Variants in SENP6 observed in about 807,000 individuals in gnomAD.
The protein encoded by SENP6 is sentrin-specific protease 6.
A neutral mutation model predicts 134.5 loss-of-function variants in SENP6; 41 were observed. That is an observed-to-expected ratio of 0.30 (90% CI 0.24 to 0.40). SENP6 has a LOEUF of 0.40. Among genes scored for constraint, SENP6 ranks in the 10% least tolerant of loss-of-function variants. SENP6 has a pLI of 1.00. For missense variants in SENP6, 1,248 were observed against 1,312.5 expected, an observed-to-expected ratio of 0.95 and a Z score of 0.76; for synonymous variants, 395 against 429.8, an observed-to-expected ratio of 0.92 and a Z score of 1.00.
At chr6:75,633,453 C>G (rs1769266014) in intron 3 of SENP6, 128 bp from the exon 4 acceptor site, 1 of 727,830 alleles carries the variant, frequency 1.4e-6, no homozygotes, top group Non-Finnish European at 2.1e-6. Context: ...TAAATCCATG[C>G]CAATGCTATC....
chr6:75,642,125 A>T (rs1180297955), intron 6 of SENP6, among the ~76,000 whole-genome samples: 1 of 152,266 alleles, frequency 6.6e-6, no homozygotes. Context: ...TTTTGATTAC[A>T]TGCTGCCTTT....
intron 10 of SENP6, among the ~76,000 whole-genome samples, chr6:75,668,044 A>C (rs2149870876): frequency 6.6e-6 from 1 of 152,358 alleles, no homozygotes; most frequent in African/African-American, 2.4e-5. Flanking sequence ...AGATACAAAT[A>C]TGGGAACATA....
At chr6:75,602,712 G>A in intron 1 of SENP6, 136 bp downstream of exon 1, 1 of 923,886 alleles carries the variant, frequency 1.1e-6, no homozygotes. Flanking sequence ...GCGATGACGG[G>A]GAGGGAGTGT....
intron 16 of SENP6, among the ~76,000 whole-genome samples, chr6:75,693,383 G>A (rs1316734947): frequency 7.2e-6 from 1 of 139,524 alleles, no homozygotes; most frequent in Non-Finnish European, 1.5e-5. Flanking sequence ...CAGCCTGGGA[G>A]ACAGAGTGAT....
chr6:75,673,339 T>TTG (rs1444384669), intron 11 of SENP6, among the ~76,000 whole-genome samples: 40 of 148,974 alleles, frequency 2.7e-4, no homozygotes, highest in African/African-American at 9.5e-4. Context: ...TTTTTTTTTT[T>TTG]GAGACCGAGT....
chr6:75,622,232 G>A (rs1042837141), intron 2 of SENP6, among the ~76,000 whole-genome samples: 3 of 152,168 alleles, frequency 2.0e-5, no homozygotes, highest in African/African-American at 7.2e-5. Context: ...AGAACTTTTT[G>A]TTTGTCATGA....
intron 1 of SENP6, among the ~76,000 whole-genome samples, chr6:75,612,261 G>C (rs1767509258): frequency 6.6e-6 from 1 of 152,206 alleles, no homozygotes; most frequent in Non-Finnish European, 1.5e-5. Context: ...TCTTAAGAAA[G>C]ACTTGGGCTG....
chr6:75,714,745 C>G (rs930037120), intron 23 of SENP6, among the ~76,000 whole-genome samples: 19 of 152,166 alleles, frequency 1.2e-4, no homozygotes, highest in Admixed American at 1.1e-3. Flanking sequence ...GCCATTGTTT[C>G]ATGTTCTTTC....
intron 9 of SENP6, among the ~76,000 whole-genome samples, chr6:75,666,480 AT>A (rs1457398924): frequency 2.0e-5 from 3 of 151,028 alleles, no homozygotes; most frequent in Non-Finnish European, 4.4e-5. Context: ...TTTGTATCAT[AT>A]TTTTTAAAAG....
chr6:75,629,523 C>T (rs1338137874), intron 3 of SENP6, among the ~76,000 whole-genome samples: 1 of 152,164 alleles, frequency 6.6e-6, no homozygotes, highest in Non-Finnish European at 1.5e-5. Flanking sequence ...TGGTCTCGAA[C>T]TCCAGACCTC....
In SENP6 at chr6:75,713,728, A is replaced by G. The variant is rs1187300031; in HGVS notation, c.3032A>G (p.Lys1011Arg). 2.5e-6 allele frequency: 4 copies of G among 1,613,364 alleles called. No homozygotes were observed. The highest frequency in any genetic ancestry group is 3.4e-6 in the Non-Finnish European group (4 of 1,179,540). ...VKKGSKRSFSKDVMKGSNPKV... is the reference protein window; with the variant it reads ...VKKGSKRSFSRDVMKGSNPKV... Reference sequence around the variant, plus strand: ...AAAGGAAGCAAAAGAAGTTTTTCCAAAGATGTTATGAAGGGCTCTAATCCA... The same window carrying G: ...AAAGGAAGCAAAAGAAGTTTTTCCAGAGATGTTATGAAGGGCTCTAATCCA... The change falls in exon 23 of 24, where the codon AAA (lysine) becomes AGA (arginine). Residue 1011 changes from lysine to arginine, a missense_variant. Transcript: ENST00000447266.
At position 75,602,561 on chromosome 6, in the gene SENP6, A is replaced by G; in HGVS notation, c.37A>G (p.Ile13Val). Residue 13 changes from isoleucine (I) to valine (V), a missense_variant, in exon 1 of 24, where the codon ATT becomes GTT. Around this residue, in one of 3 missense-constraint regions of SENP6, gnomAD observed 733 missense variants for 725.4 expected, o/e 1.01. Transcript: ENST00000447266. ...CAAGAGCGGCGGTAGCGCAGGGGAG[A>G]TTACTTTTCTGGAAGGTACGTCTGT... is the stretch of plus-strand genomic sequence containing the variant. ...AGKSGGSAGE[I>V]TFLEALARSE... 6.4e-7 allele frequency: 1 copy of G among 1,551,388 alleles called. No individual in the cohort carries two copies.
chr6:75,679,615 G>T (rs1242837462), intron 16 of SENP6: 1 of 152,208 alleles, frequency 6.6e-6, no homozygotes, highest in Non-Finnish European at 1.5e-5. Context: ...AGATATGAGG[G>T]ACCAGGAAGC....
chr6:75,713,461 T>C (rs1350087166), intron 21 of SENP6, 52 bp from the exon 22 acceptor site: 1 of 1,384,116 alleles, frequency 7.2e-7, no homozygotes, highest in East Asian at 2.3e-5. Flanking sequence ...AATCCTTTTA[T>C]GCATTTGTAA....
At chr6:75,612,799 AC>A (rs1561963319) in intron 1 of SENP6, among the ~76,000 whole-genome samples, 1 of 152,188 alleles carries the variant, frequency 6.6e-6, no homozygotes, top group Admixed American at 6.5e-5. Context: ...GCTAAAGGAT[AC>A]CCTAGGTCAG....
At chr6:75,673,403 A>G (rs1208516301) in intron 11 of SENP6, among the ~76,000 whole-genome samples, 3 of 142,714 alleles carry the variant, frequency 2.1e-5, no homozygotes, top group Non-Finnish European at 3.0e-5. Context: ...GGCTCACTGC[A>G]GCCTCCACCT....
At chr6:75,691,063 C>CA (rs1774212034) in intron 16 of SENP6, among the ~76,000 whole-genome samples, 1 of 149,872 alleles carries the variant, frequency 6.7e-6, no homozygotes, top group South Asian at 2.1e-4. Context: ...AGGCTGGTCT[C>CA]AAATTTCTGG....
At chr6:75,691,811 G>T (rs920378306) in intron 16 of SENP6, among the ~76,000 whole-genome samples, 3 of 151,984 alleles carry the variant, frequency 2.0e-5, no homozygotes, top group Non-Finnish European at 2.9e-5. Flanking sequence ...AGCCAGGATG[G>T]TCTCGATCTC....
At position 75,717,468 on chromosome 6, in the gene SENP6, G is replaced by A. The variant is rs186499025; in HGVS notation, c.*1874G>A. ...TTTAACATGAAAAATATAGATTAAT[G>A]TATGTCAGCTTTCTAGAGGTAGAAT... On this transcript the variant is annotated 3_prime_UTR_variant, in exon 24 of 24. Transcript: ENST00000447266. 1.3e-5 allele frequency: 2 copies of A among 152,150 alleles called. No homozygotes were observed. The highest frequency in any genetic ancestry group is 3.9e-4 in the East Asian group (2 of 5,186). 9.4% of individuals were successfully genotyped at this position (152,150 alleles called of 1,614,324 possible). A position where few individuals can be genotyped will look rare whatever the true frequency, so the allele number is the denominator to read the frequency against.
Sources: allele counts gnomAD v4.1 joint callset (sites outside exome capture counted in the v4.1 genomes callset), GRCh38; gene constraint gnomAD v4.1.1; regional missense constraint gnomAD v4.1.1; transcripts MANE v1.5; gene names NCBI Gene and HGNC (gene_info 2026-07-23, HGNC 2026-07-21).